RNLS: variants seen among roughly 807,000 people sequenced by gnomAD.
RNLS encodes renalase.
Under a neutral mutation model 39.8 loss-of-function variants are expected in RNLS, and 39 were observed. The ratio of observed to expected loss-of-function variants is 0.98; its 90% confidence interval spans 0.76 to 1.28. The LOEUF is 1.28. RNLS is among the 50% of genes most tolerant of loss of function. RNLS has a pLI of 0.00. For missense variants in RNLS, 410 were observed against 413.3 expected (o/e 0.99, Z 0.07); for synonymous variants, 147 against 150.7 (o/e 0.98, Z 0.18).
intron 4 of RNLS, among the ~76,000 whole-genome samples, chr10:88,474,672 G>A (rs1843708912): frequency 6.6e-6 from 1 of 152,154 alleles, no homozygotes; most frequent in African/African-American, 2.4e-5. Context: ...CTCTGTTCCA[G>A]CCCTGTCAAT....
the RNLS span, among the ~76,000 whole-genome samples, chr10:88,246,372 T>C: frequency 3.0e-3 from 458 of 152,250 alleles, 3 homozygotes; most frequent in African/African-American, 0.01. Context: ...TTCAAAGCCC[T>C]CCAGTTTGCC....
chr10:88,413,581 C>T (rs951738306), intron 4 of RNLS, among the ~76,000 whole-genome samples: 2 of 152,174 alleles, frequency 1.3e-5, no homozygotes, highest in Non-Finnish European at 2.9e-5. Context: ...ACCAAATGCT[C>T]GCTGTTCTAT....
At chr10:88,406,803 C>A (rs1222649199) in intron 4 of RNLS, among the ~76,000 whole-genome samples, 2 of 152,014 alleles carry the variant, frequency 1.3e-5, no homozygotes, top group African/African-American at 4.8e-5. Flanking sequence ...TGAAACCAAC[C>A]CAAATCCCCA....
At chr10:88,502,214 A>G (rs1845533070) in intron 4 of RNLS, among the ~76,000 whole-genome samples, 1 of 151,750 alleles carries the variant, frequency 6.6e-6, no homozygotes, top group Non-Finnish European at 1.5e-5. Context: ...TATGGCTTGA[A>G]TATGGTTTGT....
chr10:88,242,987 G>C, the RNLS span, among the ~76,000 whole-genome samples: 18 of 150,442 alleles, frequency 1.2e-4, no homozygotes, highest in South Asian at 3.8e-3. Flanking sequence ...ACCCATAAGG[G>C]AGTGAGGAAA....
intron 4 of RNLS, among the ~76,000 whole-genome samples, chr10:88,438,149 A>C (rs1672844858): frequency 6.7e-6 from 1 of 149,194 alleles, no homozygotes; most frequent in Admixed American, 6.7e-5. Context: ...AAAGAAGCTC[A>C]GGAAAAGATG....
At chr10:88,525,538 C>T (rs778137096) in intron 4 of RNLS, among the ~76,000 whole-genome samples, 30 of 152,016 alleles carry the variant, frequency 2.0e-4, no homozygotes, top group Middle Eastern at 3.4e-3. Context: ...CTTCCTGGGC[C>T]CTGCGTATGT....
chr10:88,449,305 A>C (rs891602745), intron 4 of RNLS, among the ~76,000 whole-genome samples: 9 of 152,198 alleles, frequency 5.9e-5, no homozygotes, highest in Non-Finnish European at 1.2e-4. Context: ...AGGCACAATT[A>C]AATGCTTGTT....
downstream of RNLS, among the ~76,000 whole-genome samples, chr10:88,269,550 G>C (rs935728114): frequency 6.6e-6 from 1 of 152,118 alleles, no homozygotes; most frequent in African/African-American, 2.4e-5. Flanking sequence ...GGAGGCTCTG[G>C]GTTTACAAGG....
chr10:88,404,822 T>C (rs1853161728), intron 4 of RNLS, among the ~76,000 whole-genome samples: 1 of 152,036 alleles, frequency 6.6e-6, no homozygotes, highest in Admixed American at 6.6e-5. Context: ...TACTTGGGAA[T>C]GGCAGGCATG....
At chr10:88,461,894 A>G (rs7920360) in intron 4 of RNLS, among the ~76,000 whole-genome samples, 2,686 of 152,220 alleles carry the variant, frequency 0.018, 90 homozygotes, top group African/African-American at 0.06. Context: ...TTGAAATTAC[A>G]TCATCATGAA....
chr10:88,241,996 T>G, the RNLS span, among the ~76,000 whole-genome samples: 2 of 152,330 alleles, frequency 1.3e-5, no homozygotes, highest in East Asian at 3.8e-4. Flanking sequence ...TATCATCATG[T>G]TTTATGTGTC....
the RNLS span, among the ~76,000 whole-genome samples, chr10:88,180,848 GT>G: frequency 1.3e-5 from 2 of 152,138 alleles, no homozygotes; most frequent in Admixed American, 1.3e-4. Context: ...TGAGTAACCT[GT>G]TTTTTAATTT....
intron 4 of RNLS, among the ~76,000 whole-genome samples, chr10:88,475,781 A>G (rs551730089): frequency 1.3e-5 from 2 of 152,330 alleles, no homozygotes; most frequent in East Asian, 1.9e-4. Context: ...TTAAGAAAAT[A>G]CAAAATCCAT....
At chr10:88,402,852 G>A (rs1348800691) in intron 4 of RNLS, among the ~76,000 whole-genome samples, 1 of 151,852 alleles carries the variant, frequency 6.6e-6, no homozygotes, top group Admixed American at 6.6e-5. Context: ...GTTAACAAGT[G>A]GAATGTTCTT....
At chr10:88,467,877 C>T (rs926771963) in intron 4 of RNLS, among the ~76,000 whole-genome samples, 2 of 152,148 alleles carry the variant, frequency 1.3e-5, no homozygotes, top group African/African-American at 2.4e-5. Flanking sequence ...GCTCCACCTG[C>T]TGAGTCAGAA....
chr10:88,300,619 ATG>A (rs1441800796), intron 6 of RNLS, among the ~76,000 whole-genome samples: 3 of 152,170 alleles, frequency 2.0e-5, no homozygotes, highest in Admixed American at 2.0e-4. Context: ...TAGTTTTTGT[ATG>A]GCAAACTGTA....
chr10:88,382,676 A>G (rs902758946), intron 4 of RNLS, among the ~76,000 whole-genome samples: 2 of 152,110 alleles, frequency 1.3e-5, no homozygotes, highest in African/African-American at 4.8e-5. Flanking sequence ...AGCAATGGCA[A>G]TTGTTGATTA....
chr10:88,416,714 C>T (rs978735261), intron 4 of RNLS, among the ~76,000 whole-genome samples: 9 of 152,180 alleles, frequency 5.9e-5, no homozygotes, highest in African/African-American at 2.2e-4. Flanking sequence ...TACTCCTCTG[C>T]TTAAAATTCA....
Sources: gnomAD v4.1 joint callset for allele counts (sites outside exome capture counted in the v4.1 genomes callset) on GRCh38, gnomAD v4.1.1 for gene constraint, MANE v1.5 for transcripts, NCBI Gene and HGNC (gene_info 2026-07-23, HGNC 2026-07-21) for gene names.